Variants in LRIG1 observed in about 807,000 individuals in gnomAD.
The protein encoded by LRIG1 is leucine rich repeats and immunoglobulin like domains 1.
Under a neutral mutation model 99.2 loss-of-function variants are expected in LRIG1, and 48 were observed. That is an observed-to-expected ratio of 0.48 (90% CI 0.38 to 0.62). The LOEUF is 0.62. Ranked by LOEUF, LRIG1 falls within the 20% of genes least tolerant of loss-of-function variation. The pLI, the probability that LRIG1 is intolerant of heterozygous loss-of-function variation, is 0.00. For synonymous variants in LRIG1, 772 were observed against 596.1 expected (o/e 1.29, Z -4.30); for missense variants, 1,646 against 1,434.4 (o/e 1.15, Z -2.38).
At chr3:66,434,375 T>C (rs986962412) in intron 3 of LRIG1, among the ~76,000 whole-genome samples, 3 of 152,200 alleles carry the variant, frequency 2.0e-5, no homozygotes, top group African/African-American at 2.4e-5. Context: ...CTTAACATCA[T>C]TGGTCATCAT....
chr3:66,433,847 C>A (rs2106752405), intron 3 of LRIG1, among the ~76,000 whole-genome samples: 1 of 152,218 alleles, frequency 6.6e-6, no homozygotes, highest in East Asian at 1.9e-4. Context: ...TCAACCCGTG[C>A]CTTGTCCATG....
chr3:66,499,637 G>A (rs564531820), intron 1 of LRIG1, among the ~76,000 whole-genome samples: 164 of 152,258 alleles, frequency 1.1e-3, no homozygotes, highest in African/African-American at 3.7e-3. Flanking sequence ...ACGGTCTTCG[G>A]GGATCAGGAG....
intron 3 of LRIG1, among the ~76,000 whole-genome samples, chr3:66,430,264 G>A (rs1703126395): frequency 6.6e-6 from 1 of 152,148 alleles, no homozygotes; most frequent in Non-Finnish European, 1.5e-5. Context: ...AAGACACAAC[G>A]TGGAGTTAAC....
At chr3:66,384,314 A>G in intron 13 of LRIG1, 42 bp from the exon 14 acceptor site, 1 of 1,579,530 alleles carries the variant, frequency 6.3e-7, no homozygotes, top group Non-Finnish European at 8.6e-7. Flanking sequence ...CGGGACAGCT[A>G]GATGCAAAAC....
intron 9 of LRIG1, among the ~76,000 whole-genome samples, chr3:66,400,913 C>G (rs1702027266): frequency 6.6e-6 from 1 of 152,098 alleles, no homozygotes; most frequent in African/African-American, 2.4e-5. Context: ...GAGGGAGGCA[C>G]CACCAGTCCG....
intron 5 of LRIG1, among the ~76,000 whole-genome samples, chr3:66,414,313 T>C (rs56207748): frequency 0.48 from 72,396 of 151,764 alleles, 20,966 homozygotes; most frequent in Non-Finnish European, 0.66. Context: ...AGGAGAATGG[T>C]GTGAACCCCG....
Position 66,412,815 on chromosome 3 carries a change from T to TCACAC in LRIG1, c.791+51_791+55dup, listed in dbSNP as rs1575671470. 1.6e-5 allele frequency: 26 copies of TCACAC among 1,599,250 alleles called. No homozygotes were observed. The East Asian group carries it at 5.6e-4, about 35-fold the overall frequency. ...CATGCGCACACACACACACGCCACA[T>TCACAC]CACACCACACCGCACAGCAATCCTT... On this transcript the variant is annotated intron_variant, in intron 6 of 18. Transcript: ENST00000273261.
chr3:66,495,019 A>T (rs1701195612), intron 1 of LRIG1, among the ~76,000 whole-genome samples: 1 of 152,226 alleles, frequency 6.6e-6, no homozygotes, highest in South Asian at 2.1e-4. Context: ...CTGGTCTTCA[A>T]AGTGCTCTAT....
chr3:66,465,021 G>C (rs942721591), intron 1 of LRIG1, among the ~76,000 whole-genome samples: 3 of 152,060 alleles, frequency 2.0e-5, no homozygotes, highest in African/African-American at 7.2e-5. Flanking sequence ...GTTTTCACGG[G>C]GTCAGCTGGA....
At chr3:66,484,932 T>C (rs754231475) in intron 1 of LRIG1, among the ~76,000 whole-genome samples, 8 of 152,070 alleles carry the variant, frequency 5.3e-5, no homozygotes, top group Admixed American at 1.3e-4. Flanking sequence ...AGGCCAGCGA[T>C]TGCTTGAGCC....
In LRIG1 at chr3:66,489,776, G is replaced by A. The variant is rs746482343; in HGVS notation, c.218+10414C>T. On this transcript the variant is annotated intron_variant, in intron 1 of 18. Transcript: ENST00000273261. ...TGCCAATCAGTGGCAGAGCTGGGAC[G>A]AAACCCCAACGTCTCCTGAGGCCCA... Among the ~76,000 whole-genome samples, 52 of 152,278 alleles carry A rather than the reference G, an allele frequency of 3.4e-4. 1 individual carries two copies. Among genetic ancestry groups the A allele is most frequent in the Non-Finnish European group, 6.8e-4 (46 of 68,018 alleles).
chr3:66,407,453 T>G lies in LRIG1; in HGVS notation c.974A>C (p.Glu325Ala), dbSNP rs1702309636. Reference sequence around the variant, plus strand: ...CAGGCTGCTCAGCTCGGCCAGGCTCTCCTCGTCCAGCCGTGTCAGGTTGTT... The same window carrying G: ...CAGGCTGCTCAGCTCGGCCAGGCTCGCCTCGTCCAGCCGTGTCAGGTTGTT... Reference protein sequence around the residue: ...SFNNLTRLDEESLAELSSLSV... With the variant: ...SFNNLTRLDEASLAELSSLSV... The change falls in exon 8 of 19, where the codon GAG (glutamate) becomes GCG (alanine). Residue 325 changes from glutamate to alanine, a missense_variant. Coordinates refer to ENST00000273261, the MANE Select transcript of LRIG1 (RefSeq NM_015541.3). 3 of 1,613,878 alleles carry G rather than the reference T, an allele frequency of 1.9e-6. No individual in the cohort carries two copies. The highest frequency in any genetic ancestry group is 1.7e-5 in the Admixed American group (1 of 60,004).
chr3:66,402,673 A>C (rs1466076830), intron 9 of LRIG1, among the ~76,000 whole-genome samples: 1 of 152,042 alleles, frequency 6.6e-6, no homozygotes, highest in East Asian at 1.9e-4. Context: ...ACCCACACCA[A>C]ATGAAGGGAC....
intron 2 of LRIG1, among the ~76,000 whole-genome samples, chr3:66,458,438 C>T (rs951388498): frequency 6.6e-6 from 1 of 152,200 alleles, no homozygotes; most frequent in African/African-American, 2.4e-5. Context: ...TGTGGGGGCT[C>T]ATACCTGTAA....
chr3:66,380,125 C>A lies in LRIG1; in HGVS notation c.*138G>T. On this transcript the variant is annotated 3_prime_UTR_variant, in exon 19 of 19. Transcript: ENST00000273261. Reference sequence around the variant, plus strand: ...CGTTTACTGTGCTTCAGATCCAAGTCCTGTGAGCGACTGATACTCCACATG... The same window carrying A: ...CGTTTACTGTGCTTCAGATCCAAGTACTGTGAGCGACTGATACTCCACATG... The A allele has an allele frequency of 1.5e-6, 1 of 671,880 alleles. No homozygotes were observed. Among genetic ancestry groups the A allele is most frequent in the South Asian group, 2.2e-5 (1 of 46,392 alleles). The allele number at this position is 671,880 out of a possible 1,614,324, so 41.6% of individuals were successfully genotyped here.
intron 9 of LRIG1, chr3:66,404,319 TG>T: frequency 2.3e-6 from 3 of 1,288,836 alleles, no homozygotes; most frequent in Non-Finnish European, 3.0e-6. Flanking sequence ...TCCCCGTCAC[TG>T]GGGACGGGCT....
At chr3:66,408,432 T>C (rs1416492805) in intron 7 of LRIG1, among the ~76,000 whole-genome samples, 1 of 152,212 alleles carries the variant, frequency 6.6e-6, no homozygotes, top group African/African-American at 2.4e-5. Context: ...TGAGGTTACC[T>C]GGATATGGTG....
rs1701358395 is a variant in LRIG1 at position 66,386,101 on chromosome 3, C to G, written c.1669G>C (p.Glu557Gln). The G allele has an allele frequency of 1.9e-6, 3 of 1,614,172 alleles. No homozygotes were observed. Among genetic ancestry groups the G allele is most frequent in the African/African-American group, 2.7e-5 (2 of 75,034 alleles). ...CGGAGGTGCAGGATGGTGGTGTACTCCATCACTTCCCCGTCCTGCGCGTGG... is the reference window on the plus strand; with the variant it reads ...CGGAGGTGCAGGATGGTGGTGTACTGCATCACTTCCCCGTCCTGCGCGTGG... ...HVHAQDGEVM[E>Q]YTTILHLRQV... is the part of the protein sequence containing the mutation. Residue 557 changes from glutamate (E) to glutamine (Q), a missense_variant, in exon 13 of 19, where the codon GAG (glutamate) becomes CAG (glutamine). Glu to Gln is a conservative substitution (Grantham distance 29). Transcript: ENST00000273261.
intron 7 of LRIG1, among the ~76,000 whole-genome samples, chr3:66,408,576 T>C (rs1477383700): frequency 6.6e-6 from 1 of 152,190 alleles, no homozygotes; most frequent in Non-Finnish European, 1.5e-5. Context: ...ATGCCATCCC[T>C]GGGGCCACGA....
Sources: gnomAD v4.1 joint callset for allele counts (sites outside exome capture counted in the v4.1 genomes callset) on GRCh38, gnomAD v4.1.1 for gene constraint, MANE v1.5 for transcripts, NCBI Gene and HGNC (gene_info 2026-07-23, HGNC 2026-07-21) for gene names.